Variants in PDE10A observed in about 807,000 individuals in gnomAD.
The protein encoded by PDE10A is phosphodiesterase 10A, also known as cAMP and cAMP-inhibited cGMP 3',5'-cyclic phosphodiesterase 10A.
In PDE10A, 39 loss-of-function variants were observed where a neutral mutation model predicts 97.7. The ratio of observed to expected loss-of-function variants is 0.40; its 90% CI spans 0.31 to 0.52. PDE10A has a LOEUF of 0.52. Among genes scored for constraint, PDE10A ranks in the 20% least tolerant of loss-of-function variants. The pLI is 0.56. For synonymous variants in PDE10A, 371 were observed against 376.8 expected, an observed-to-expected ratio of 0.98 and a Z score of 0.18; for missense variants, 731 against 1,047.8, an observed-to-expected ratio of 0.70 and a Z score of 4.17.
At chr6:165,801,938 G>T (rs901611388) in intron 1 of PDE10A, among the ~76,000 whole-genome samples, 3 of 152,154 alleles carry the variant, frequency 2.0e-5, no homozygotes, top group African/African-American at 7.2e-5. Flanking sequence ...ACCAGCAATG[G>T]AGATGGGCAC....
At chr6:165,892,152 A>G (rs1781821673) in intron 1 of PDE10A, among the ~76,000 whole-genome samples, 2 of 152,202 alleles carry the variant, frequency 1.3e-5, no homozygotes, top group African/African-American at 4.8e-5. Flanking sequence ...TTTCAGTTCC[A>G]AAGAAAATTC....
At chr6:165,691,091 CTCTCTCTT>C (rs1157727426) in intron 1 of PDE10A, among the ~76,000 whole-genome samples, 9 of 49,502 alleles carry the variant, frequency 1.8e-4, no homozygotes, top group African/African-American at 4.5e-4. Context: ...CTCTCTCTCT[CTCTCTCTT>C]TCTCTCTCCC....
At chr6:165,603,097 AC>A (rs1282796690) in intron 1 of PDE10A, among the ~76,000 whole-genome samples, 2 of 152,184 alleles carry the variant, frequency 1.3e-5, no homozygotes. Context: ...CTAATGATGC[AC>A]CTCCTTTTCA....
At chr6:165,782,359 C>A (rs1778362718) in intron 1 of PDE10A, among the ~76,000 whole-genome samples, 1 of 152,208 alleles carries the variant, frequency 6.6e-6, no homozygotes. Context: ...AGTTTACAGG[C>A]ATTTATTGGG....
At chr6:165,628,520 T>C (rs1344165090) in intron 1 of PDE10A, among the ~76,000 whole-genome samples, 1 of 151,990 alleles carries the variant, frequency 6.6e-6, no homozygotes, top group East Asian at 1.9e-4. Flanking sequence ...CACCCGGCAA[T>C]TATTTTTATT....
At chr6:165,893,170 T>A (rs765149242) in intron 1 of PDE10A, among the ~76,000 whole-genome samples, 1 of 152,238 alleles carries the variant, frequency 6.6e-6, no homozygotes, top group Non-Finnish European at 1.5e-5. Flanking sequence ...TCACCCAGCC[T>A]CCTGAAATAA....
chr6:165,467,142 A>C (rs749600823), intron 3 of PDE10A, among the ~76,000 whole-genome samples: 31 of 152,236 alleles, frequency 2.0e-4, no homozygotes, highest in Admixed American at 3.9e-4. Flanking sequence ...GGAAAGCTGC[A>C]GAAGAAAAGT....
chr6:165,343,424 C>A lies in PDE10A; in HGVS notation c.2862G>T (p.Thr954=), dbSNP rs375839208. The A allele has an allele frequency of 3.1e-6, 5 of 1,613,672 alleles. No homozygotes were observed. Among genetic ancestry groups the A allele is most frequent in the Non-Finnish European group, 4.2e-6 (5 of 1,179,802 alleles). ...AGAATTCTGCATATATATCATTTGC[C>A]GTCAATTTTGTAACGGGCCACAGTT... ...VTKLWPVTKL[T]ANDIYAEFWA... The change falls in exon 19 of 22, where the codon ACG becomes ACT. Residue 954 remains threonine, a synonymous_variant. Transcript: ENST00000539869.
At chr6:165,958,599 A>T (rs202105257) in intron 1 of PDE10A, among the ~76,000 whole-genome samples, 5 of 36,186 alleles carry the variant, frequency 1.4e-4, no homozygotes, top group African/African-American at 2.7e-4. Context: ...GAGAGAAAGA[A>T]AGAGAGAAAG....
chr6:165,753,820 A>G (rs1793059495), intron 1 of PDE10A, among the ~76,000 whole-genome samples: 1 of 152,248 alleles, frequency 6.6e-6, no homozygotes, highest in African/African-American at 2.4e-5. Flanking sequence ...TGGAATGAGC[A>G]TAGTAACAAC....
At chr6:165,736,903 C>A (rs1198847152) in intron 1 of PDE10A, among the ~76,000 whole-genome samples, 23 of 152,008 alleles carry the variant, frequency 1.5e-4, no homozygotes, top group Non-Finnish European at 3.4e-4. Context: ...AATTGACAAA[C>A]GTTTAGTTGA....
chr6:165,673,285 A>C (rs1012241322), intron 1 of PDE10A, among the ~76,000 whole-genome samples: 3 of 152,244 alleles, frequency 2.0e-5, no homozygotes, highest in African/African-American at 4.8e-5. Context: ...ATAGAATTCT[A>C]TTTACAAAAG....
rs1562634535 is a variant in PDE10A at position 165,619,368 on chromosome 6, T to TCTAGTATA, written c.865+42578_865+42579insTATACTAG. Reference sequence around the variant, plus strand: ...TCTAGTGTAGTGTAGTCTAGTGTAGTGTGGTGTAGTGTAGTCTAGTATAGT... The same window carrying TCTAGTATA: ...TCTAGTGTAGTGTAGTCTAGTGTAGTCTAGTATAGTGGTGTAGTGTAGTCTAGTATAGT... On this transcript the variant is annotated intron_variant, in intron 1 of 21. Transcript: ENST00000539869. Among the ~76,000 whole-genome samples, 4 of 119,370 alleles carry TCTAGTATA rather than the reference T, an allele frequency of 3.4e-5. 1 individual carries two copies. The highest frequency in any genetic ancestry group is 9.9e-5 in the African/African-American group (3 of 30,442). 78.3% of individuals were successfully genotyped at this position (119,370 alleles called of 152,430 possible). A position where few individuals can be genotyped will look rare whatever the true frequency, so the allele number is the denominator to read the frequency against.
chr6:165,514,709 C>T (rs999274090), intron 2 of PDE10A, among the ~76,000 whole-genome samples: 10 of 152,206 alleles, frequency 6.6e-5, no homozygotes, highest in African/African-American at 2.4e-4. Flanking sequence ...GAGTGAGTCC[C>T]TGCAACTGCA....
intron 1 of PDE10A, among the ~76,000 whole-genome samples, chr6:165,676,219 GAC>G (rs959173586): frequency 1.4e-4 from 22 of 152,284 alleles, no homozygotes; most frequent in African/African-American, 5.3e-4. Context: ...AGACTTTGGA[GAC>G]ACAGAAGGGT....
rs78803205 is a variant in PDE10A, at chr6:165,777,983, A to G, written c.-615+209546T>C. On this transcript the variant is annotated intron_variant, in intron 1 of 19. Coordinates refer to the PDE10A transcript ENST00000366882. ...TATATATGTGTCTATCTCAAGAATGATACATTACTTAGCTTTGCTTGGTTT... is the reference window on the plus strand; with the variant it reads ...TATATATGTGTCTATCTCAAGAATGGTACATTACTTAGCTTTGCTTGGTTT... Among the ~76,000 whole-genome samples the G allele has an allele frequency of 2.5e-3, 384 of 152,268 alleles. 2 individuals carry two copies. The highest frequency in any genetic ancestry group is 3.9e-3 in the Non-Finnish European group (264 of 68,022).
chr6:165,347,886 G>A (rs550459441), intron 18 of PDE10A, among the ~76,000 whole-genome samples: 38 of 151,844 alleles, frequency 2.5e-4, no homozygotes, highest in African/African-American at 8.3e-4. Flanking sequence ...AGACACATTT[G>A]TTGTTCTTCA....
At chr6:165,361,294 A>G (rs2128193041) in intron 18 of PDE10A, among the ~76,000 whole-genome samples, 1 of 152,340 alleles carries the variant, frequency 6.6e-6, no homozygotes, top group Non-Finnish European at 1.5e-5. Context: ...AGGCTAAATC[A>G]AATGTCAGGA....
At chr6:165,966,453 C>T (rs1250208146) in intron 1 of PDE10A, among the ~76,000 whole-genome samples, 1 of 152,214 alleles carries the variant, frequency 6.6e-6, no homozygotes, top group Admixed American at 6.5e-5. Flanking sequence ...CATTACTCAA[C>T]TGTGGGCCCT....
Sources: gnomAD v4.1 joint callset for allele counts (sites outside exome capture counted in the v4.1 genomes callset) on GRCh38, gnomAD v4.1.1 for gene constraint, MANE v1.5 for transcripts, NCBI Gene and HGNC (gene_info 2026-07-23, HGNC 2026-07-21) for gene names.